The following MACROD1 variants were observed in gnomAD, a reference collection of about 807,000 sequenced individuals.
MACROD1 encodes the protein mono-ADP ribosylhydrolase 1, also known as ADP-ribose glycohydrolase MACROD1.
MACROD1 carries 31 observed loss-of-function variants against 41.4 expected under a neutral mutation model. The ratio of observed to expected loss-of-function variants is 0.75; its 90% CI spans 0.56 to 1.01. The LOEUF is 1.01. MACROD1 is among the 50% of genes least tolerant of loss of function. MACROD1 has a pLI of 0.00. For synonymous variants in MACROD1, 252 were observed against 203.4 expected (o/e 1.24, Z -2.03); for missense variants, 473 against 460.0 (o/e 1.03, Z -0.26).
chr11:64,143,815 C>A (rs1340833862), intron 3 of MACROD1, among the ~76,000 whole-genome samples: 3 of 146,790 alleles, frequency 2.0e-5, no homozygotes, highest in Non-Finnish European at 4.5e-5. Flanking sequence ...TTCCTGGGGG[C>A]TCTGGAGCTC....
intron 4 of MACROD1, among the ~76,000 whole-genome samples, chr11:64,004,784 T>C (rs1942883044): frequency 6.6e-6 from 1 of 152,072 alleles, no homozygotes; most frequent in African/African-American, 2.4e-5. Flanking sequence ...GAGGGGTGAC[T>C]CATGCCTGTA....
intron 4 of MACROD1, among the ~76,000 whole-genome samples, chr11:64,013,240 T>C (rs1340776559): frequency 1.3e-5 from 2 of 151,926 alleles, no homozygotes; most frequent in East Asian, 1.9e-4. Flanking sequence ...AGGAGACAGG[T>C]GCTCAGAAAA....
At chr11:64,131,534 C>T (rs1167572697) in intron 3 of MACROD1, among the ~76,000 whole-genome samples, 1 of 152,158 alleles carries the variant, frequency 6.6e-6, no homozygotes, top group Non-Finnish European at 1.5e-5. Flanking sequence ...TCCATGTTGG[C>T]CAGGCTGGTC....
chr11:64,021,756 A>G lies in MACROD1; in HGVS notation c.518-6475T>C, dbSNP rs541635921. 4.0e-5 allele frequency among the ~76,000 whole-genome samples: 6 copies of G among 151,786 alleles called. No individual in the cohort carries two copies. The South Asian group carries it at 1.2e-3, about 32-fold the overall frequency. The stretch of plus-strand genomic sequence containing the variant: ...GATCTCAGCCTTCTGTTCTCTGACA[A>G]GTGTGCAGCCAGCCCCACCGTGTGC... On this transcript the variant is annotated intron_variant, in intron 3 of 10. Coordinates refer to ENST00000255681, the MANE Select transcript of MACROD1 (RefSeq NM_014067.4).
chr11:64,030,487 G>T (rs1943280180), intron 3 of MACROD1, among the ~76,000 whole-genome samples: 1 of 152,152 alleles, frequency 6.6e-6, no homozygotes, highest in Non-Finnish European at 1.5e-5. Flanking sequence ...TCAAGGTGCC[G>T]ACAGTCTGGT....
chr11:64,008,428 C>T (rs990913980), intron 4 of MACROD1, among the ~76,000 whole-genome samples: 16 of 6,390 alleles, frequency 2.5e-3, no homozygotes, highest in East Asian at 5.0e-3. Context: ...GGTGCGGGCG[C>T]GGGACAGGGA....
In MACROD1 at chr11:64,090,276, CG is replaced by C. The variant is rs1944466563; in HGVS notation, c.517+60962del. Among the ~76,000 whole-genome samples the C allele has an allele frequency of 2.6e-5, 4 of 152,188 alleles. No individual in the cohort carries two copies. The South Asian group carries it at 8.3e-4, about 31-fold the overall frequency. On this transcript the variant is annotated intron_variant, in intron 3 of 10. Coordinates refer to ENST00000255681, the MANE Select transcript of MACROD1 (RefSeq NM_014067.4). This position sits in a 1 kb window ranked among gnomAD's most constrained non-coding sequence, Gnocchi z 4.7. ...CTTTGCTCATCCTCGGGAAATGCAT[CG>C]TGCGTTGCTTTTCCCGTCTGGGAGT...
chr11:64,046,940 C>T (rs760879761), intron 3 of MACROD1, among the ~76,000 whole-genome samples: 5 of 152,218 alleles, frequency 3.3e-5, no homozygotes, highest in African/African-American at 4.8e-5. Context: ...AGCTCTGAGA[C>T]CATCAGTGGC....
chr11:64,065,787 CT>C (rs1439335248), intron 3 of MACROD1, among the ~76,000 whole-genome samples: 2 of 115,790 alleles, frequency 1.7e-5, no homozygotes, highest in African/African-American at 9.5e-5. Flanking sequence ...ACGACTCCGC[CT>C]CAAAAAAAAA....
chr11:64,138,515 T>C, intron 3 of MACROD1: 1 of 985,442 alleles, frequency 1.0e-6, no homozygotes, highest in Non-Finnish European at 1.2e-6. Flanking sequence ...TCAAAAGGGA[T>C]GTGGCGTTTG....
rs999792377 is a variant in MACROD1, at chr11:64,146,232, T to G, written c.517+5007A>C. On this transcript the variant is annotated intron_variant, in intron 3 of 10. Coordinates refer to ENST00000255681, the MANE Select transcript of MACROD1 (RefSeq NM_014067.4). This position sits in a 1 kb window ranked among gnomAD's most constrained non-coding sequence, Gnocchi z 4.7. ...GCACCCCCGTGGTAAAAAGGAGACA[T>G]AAACACCCTGGCAGCCACAGCACCC... Among the ~76,000 whole-genome samples, 1 of 151,896 alleles carries G rather than the reference T, an allele frequency of 6.6e-6. No individual in the cohort carries two copies. Among genetic ancestry groups the G allele is most frequent in the Non-Finnish European group, 1.5e-5 (1 of 67,978 alleles).
chr11:64,086,484 C>G (rs887428275), intron 3 of MACROD1, among the ~76,000 whole-genome samples: 3 of 151,746 alleles, frequency 2.0e-5, no homozygotes, highest in African/African-American at 7.3e-5. Flanking sequence ...AGGAGGAAGT[C>G]CAGGCCCTTC....
intron 3 of MACROD1, among the ~76,000 whole-genome samples, chr11:64,074,966 C>T (rs919795370): frequency 6.6e-6 from 1 of 152,216 alleles, no homozygotes; most frequent in Non-Finnish European, 1.5e-5. Context: ...CAGTTGGGCT[C>T]CTGACCACTG....
intron 3 of MACROD1, among the ~76,000 whole-genome samples, chr11:64,061,002 C>T (rs1489192356): frequency 6.6e-6 from 1 of 152,040 alleles, no homozygotes; most frequent in African/African-American, 2.4e-5. Flanking sequence ...GTCGACCTTC[C>T]CCGACCCAGG....
At chr11:64,061,873 C>CTTTT (rs57666180) in intron 3 of MACROD1, among the ~76,000 whole-genome samples, 41 of 99,106 alleles carry the variant, frequency 4.1e-4, no homozygotes, top group Admixed American at 6.3e-4. Context: ...ACCACGCTGG[C>CTTTT]TTTTTTTTTT....
At position 64,122,390 on chromosome 11, in the gene MACROD1, G is replaced by A. The variant is rs532346174; in HGVS notation, c.517+28849C>T. Reference sequence around the variant, plus strand: ...GGTGACGCTGGCAGGGGAGGGGACAGCACCTGGGAAGATGGCAGCAGCTAG... The same window carrying A: ...GGTGACGCTGGCAGGGGAGGGGACAACACCTGGGAAGATGGCAGCAGCTAG... On this transcript the variant is annotated intron_variant, in intron 3 of 10. Transcript: ENST00000255681. The surrounding 1 kb of genome is among the most constrained non-coding windows in gnomAD (Gnocchi z 4.0). Among the ~76,000 whole-genome samples the A allele has an allele frequency of 6.6e-6, 1 of 152,328 alleles. No homozygotes were observed. Among genetic ancestry groups the A allele is most frequent in the South Asian group, 2.1e-4 (1 of 4,832 alleles).
intron 3 of MACROD1, among the ~76,000 whole-genome samples, chr11:64,092,587 GC>G (rs1340495925): frequency 1.3e-5 from 2 of 152,238 alleles, no homozygotes; most frequent in Non-Finnish European, 2.9e-5. Flanking sequence ...CGGCTCCTCT[GC>G]CCCGTCCACT....
At position 64,045,229 on chromosome 11, in the gene MACROD1, G is replaced by A. The variant is rs528527614; in HGVS notation, c.518-29948C>T. Among the ~76,000 whole-genome samples the A allele has an allele frequency of 3.5e-3, 526 of 152,270 alleles. 6 individuals carry two copies. The highest frequency in any genetic ancestry group is 0.012 in the African/African-American group (512 of 41,540). ...CTGGTGCCCTCGGGAGGAGTGGGGC[G>A]GGTGGTGGGCGAAGGGGCCCGGGAG... is the stretch of plus-strand genomic sequence containing the variant. On this transcript the variant is annotated intron_variant, in intron 3 of 10. Transcript: ENST00000255681.
intron 3 of MACROD1, among the ~76,000 whole-genome samples, chr11:64,029,538 G>A (rs1345444235): frequency 3.3e-5 from 5 of 152,042 alleles, no homozygotes; most frequent in African/African-American, 1.2e-4. Flanking sequence ...CTTCCTCACT[G>A]TCCCGGGGGT....
Sources: gnomAD v4.1 joint callset for allele counts (sites outside exome capture counted in the v4.1 genomes callset) on GRCh38, gnomAD v4.1.1 for gene constraint, Gnocchi (gnomAD v3.1) non-coding constraint, MANE v1.5 for transcripts, NCBI Gene and HGNC (gene_info 2026-07-23, HGNC 2026-07-21) for gene names.